The following CNOT1 variants were observed in gnomAD, a reference collection of about 807,000 sequenced individuals.
CNOT1 encodes CCR4-NOT transcription complex subunit 1, also known as CCR4-associated factor 1.
CNOT1 carries 15 observed loss-of-function variants against 273.8 expected under a neutral mutation model. That is an observed-to-expected ratio of 0.05 (90% CI 0.04 to 0.08). CNOT1 has a LOEUF of 0.08. Among genes scored for constraint, CNOT1 ranks in the 10% least tolerant of loss-of-function variants. The pLI, the probability that CNOT1 is intolerant of heterozygous loss-of-function variation, is 1.00. For missense variants in CNOT1, 1,644 were observed against 2,912.2 expected, an observed-to-expected ratio of 0.56 and a Z score of 10.02; for synonymous variants, 1,022 against 1,005.5, an observed-to-expected ratio of 1.02 and a Z score of -0.31.
At chr16:58,581,603 A>T in intron 10 of CNOT1, 88 bp from the exon 11 acceptor site, 1 of 1,449,738 alleles carries the variant, frequency 6.9e-7, no homozygotes, top group Non-Finnish European at 9.1e-7. Context: ...TCTGAAATTC[A>T]ATTTAGATGT....
intron 40 of CNOT1, 49 bp from the exon 41 acceptor site, chr16:58,532,444 C>T (rs777142984): frequency 6.3e-7 from 1 of 1,589,666 alleles, no homozygotes; most frequent in South Asian, 1.1e-5. Flanking sequence ...ATAATCCACT[C>T]ACCACTTCGA....
At chr16:58,565,584 T>C (rs1211514376) in intron 16 of CNOT1, among the ~76,000 whole-genome samples, 1 of 152,340 alleles carries the variant, frequency 6.6e-6, no homozygotes, top group African/African-American at 2.4e-5. Context: ...GTCACCTCTC[T>C]TCAGGTCATT....
At chr16:58,592,570 C>T (rs117463449) in intron 2 of CNOT1, among the ~76,000 whole-genome samples, 2,845 of 152,238 alleles carry the variant, frequency 0.019, 63 homozygotes, top group Middle Eastern at 0.054. Flanking sequence ...GGCTGGTCAA[C>T]ACACCAAGAC....
chr16:58,610,852 TAAAAC>T (rs1356403360), intron 1 of CNOT1, among the ~76,000 whole-genome samples: 1 of 139,358 alleles, frequency 7.2e-6, no homozygotes, highest in East Asian at 2.1e-4. Flanking sequence ...CAAAAAAACA[TAAAAC>T]AAACAAAACA....
At position 58,534,134 on chromosome 16, in the gene CNOT1, A is replaced by C; in HGVS notation, c.5895+13T>G. The C allele has an allele frequency of 6.2e-7, 1 of 1,611,804 alleles. No individual in the cohort carries two copies. Among genetic ancestry groups the C allele is most frequent in the Non-Finnish European group, 8.5e-7 (1 of 1,178,042 alleles). ...GATGTAGACCAAGACTAAGGCAAGA[A>C]AGGATTTCAGACCTTGTTCAGCAGA... On this transcript the variant is annotated intron_variant, in intron 40 of 48. Coordinates refer to ENST00000317147, the MANE Select transcript of CNOT1 (RefSeq NM_016284.5).
chr16:58,594,892 G>A (rs2042196813), intron 2 of CNOT1, among the ~76,000 whole-genome samples: 1 of 151,828 alleles, frequency 6.6e-6, no homozygotes, highest in Admixed American at 6.6e-5. Flanking sequence ...TGAGGCAGGT[G>A]GATCATGAGG....
chr16:58,625,369 G>T (rs548474607), intron 1 of CNOT1, among the ~76,000 whole-genome samples: 1 of 152,044 alleles, frequency 6.6e-6, no homozygotes, highest in South Asian at 2.1e-4. Flanking sequence ...AAAATTAGCC[G>T]GGCATGGCGG....
chr16:58,545,317 T>C, intron 30 of CNOT1, 44 bp downstream of exon 30: 1 of 1,601,010 alleles, frequency 6.2e-7, no homozygotes, highest in Non-Finnish European at 8.5e-7. Context: ...AAATTTACCT[T>C]ATCACAAACT....
chr16:58,526,002 C>T lies in CNOT1; in HGVS notation c.6590G>A (p.Arg2197His). The T allele has an allele frequency of 6.2e-7, 1 of 1,613,988 alleles. No homozygotes were observed. The highest frequency in any genetic ancestry group is 8.5e-7 in the Non-Finnish European group (1 of 1,179,932). The change falls in exon 45 of 49, where the codon CGC (arginine) becomes CAC (histidine). Residue 2197 changes from arginine to histidine, a missense_variant. Coordinates refer to ENST00000317147, the MANE Select transcript of CNOT1 (RefSeq NM_016284.5). ...AAACCAATTAACCTGTAGGTTGCTGCGCAGATCAGACAGGAAAGTGACTGG... is the reference window on the plus strand; with the variant it reads ...AAACCAATTAACCTGTAGGTTGCTGTGCAGATCAGACAGGAAAGTGACTGG... ...RSPVTFLSDLRSNLQVSNEPG... is the reference protein window; with the variant it reads ...RSPVTFLSDLHSNLQVSNEPG...
chr16:58,545,613 A>ACCCC, intron 29 of CNOT1, 122 bp from the exon 30 acceptor site: 3 of 1,466,518 alleles, frequency 2.0e-6, no homozygotes, highest in Non-Finnish European at 2.7e-6. Context: ...AGAGGAGGGA[A>ACCCC]GGATGTAGCA....
chr16:58,621,255 G>A (rs765751617), intron 1 of CNOT1, among the ~76,000 whole-genome samples: 3 of 151,946 alleles, frequency 2.0e-5, no homozygotes, highest in African/African-American at 4.8e-5. Context: ...GAGCCACTGC[G>A]CTGGCCCAGC....
intron 40 of CNOT1, 53 bp downstream of exon 40, chr16:58,534,094 A>G: frequency 7.4e-7 from 1 of 1,359,558 alleles, no homozygotes; most frequent in Non-Finnish European, 9.5e-7. Context: ...AAATAAATAA[A>G]TAAAACACCC....
intron 2 of CNOT1, among the ~76,000 whole-genome samples, chr16:58,590,119 C>T (rs1320401110): frequency 8.5e-5 from 13 of 152,290 alleles, no homozygotes; most frequent in South Asian, 6.2e-4. Context: ...AGAGTAATCA[C>T]GTTTGCTAAG....
At position 58,576,454 on chromosome 16, in the gene CNOT1, T is replaced by A. The variant is rs189025447; in HGVS notation, c.1704+9A>T. Reference sequence around the variant, plus strand: ...ATAAACTGGTGTCAGTCTGTCCCTCTGAACTCACCTTCAAGTCCTGGGCCA... The same window carrying A: ...ATAAACTGGTGTCAGTCTGTCCCTCAGAACTCACCTTCAAGTCCTGGGCCA... On this transcript the variant is annotated intron_variant, in intron 14 of 48. Transcript: ENST00000317147. The A allele has an allele frequency of 1.8e-5, 29 of 1,613,862 alleles. No homozygotes were observed. The highest frequency in any genetic ancestry group is 1.7e-6 in the Non-Finnish European group (2 of 1,179,950).
chr16:58,581,558 A>G (rs2041657104), intron 10 of CNOT1, 43 bp from the exon 11 acceptor site: 2 of 1,525,524 alleles, frequency 1.3e-6, no homozygotes, highest in Admixed American at 2.1e-5. Flanking sequence ...GAATGTGTGT[A>G]TATTTTGATA....
intron 2 of CNOT1, 22 bp downstream of exon 2, chr16:58,599,214 G>C (rs2042380853): frequency 1.2e-6 from 2 of 1,613,948 alleles, no homozygotes; most frequent in Non-Finnish European, 1.7e-6. Flanking sequence ...AATGGCACTT[G>C]TTTTCTGGCT....
At chr16:58,579,863 T>C (rs897469157) in intron 12 of CNOT1, among the ~76,000 whole-genome samples, 3 of 152,180 alleles carry the variant, frequency 2.0e-5, no homozygotes, top group Non-Finnish European at 4.4e-5. Context: ...ACTAAGATTC[T>C]ACCTCGAAAA....
intron 2 of CNOT1, among the ~76,000 whole-genome samples, chr16:58,593,503 G>A (rs1000142311): frequency 5.9e-5 from 9 of 151,604 alleles, no homozygotes; most frequent in Middle Eastern, 3.4e-3. Flanking sequence ...AGGTTGCAGC[G>A]AGCGGAGATC....
intron 35 of CNOT1, 44 bp downstream of exon 35, chr16:58,539,724 T>C (rs774170072): frequency 6.5e-7 from 1 of 1,549,266 alleles, no homozygotes; most frequent in Non-Finnish European, 8.7e-7. Context: ...CAATAAATGT[T>C]TACACACCTA....
Sources: allele counts gnomAD v4.1 joint callset (sites outside exome capture counted in the v4.1 genomes callset), GRCh38; gene constraint gnomAD v4.1.1; transcripts MANE v1.5; gene names NCBI Gene and HGNC (gene_info 2026-07-23, HGNC 2026-07-21).